Variants in UGT1A10 observed in about 807,000 individuals in gnomAD.
The protein encoded by UGT1A10 is UDP glucuronosyltransferase family 1 member A10, also known as UDP-glucuronosyltransferase 1A10.
Under a neutral mutation model 45.8 loss-of-function variants are expected in UGT1A10, and 49 were observed. That is an observed-to-expected ratio of 1.07 (90% CI 0.85 to 1.36). The LOEUF (loss-of-function observed/expected upper bound fraction) is 1.36, where lower values mean the gene tolerates loss of function less well. Ranked by LOEUF, UGT1A10 falls within the 40% of genes most tolerant of loss-of-function variation. UGT1A10 has a pLI of 0.00. For missense variants in UGT1A10, 745 were observed against 668.6 expected (o/e 1.11, Z -1.26); for synonymous variants, 284 against 249.7 (o/e 1.14, Z -1.29).
intron 1 of UGT1A10, among the ~76,000 whole-genome samples, chr2:233,739,663 T>C (rs1172475020): frequency 6.6e-6 from 1 of 152,246 alleles, no homozygotes; most frequent in Non-Finnish European, 1.5e-5. Context: ...ACCCCCATTG[T>C]GTCTTGGAAG....
chr2:233,741,876 G>A (rs1319262823), intron 1 of UGT1A10: 1 of 151,830 alleles, frequency 6.6e-6, no homozygotes, highest in African/African-American at 2.4e-5. Context: ...TTCCTCAGAG[G>A]TGACCCTAGA....
chr2:233,694,865 A>G (rs2075244245), intron 1 of UGT1A10, among the ~76,000 whole-genome samples: 1 of 152,230 alleles, frequency 6.6e-6, no homozygotes, highest in Non-Finnish European at 1.5e-5. Context: ...GACATAATAT[A>G]GTTGTACACA....
intron 1 of UGT1A10, among the ~76,000 whole-genome samples, chr2:233,652,776 G>A (rs1241807585): frequency 1.3e-5 from 2 of 152,198 alleles, no homozygotes; most frequent in Non-Finnish European, 2.9e-5. Flanking sequence ...ACATGCAAAA[G>A]AATGAAGATG....
chr2:233,745,632 G>A (rs1693165975), intron 1 of UGT1A10, among the ~76,000 whole-genome samples: 1 of 151,552 alleles, frequency 6.6e-6, no homozygotes, highest in Non-Finnish European at 1.5e-5. Flanking sequence ...GTCATAGAAA[G>A]CTGGCCGAGG....
chr2:233,724,290 G>C (rs2077209364), intron 1 of UGT1A10, among the ~76,000 whole-genome samples: 1 of 136,792 alleles, frequency 7.3e-6, no homozygotes, highest in African/African-American at 2.8e-5. Flanking sequence ...GCGGGGGGCT[G>C]ACCCCCCCAC....
intron 1 of UGT1A10, among the ~76,000 whole-genome samples, chr2:233,665,855 T>C (rs2074066728): frequency 6.6e-6 from 1 of 152,174 alleles, no homozygotes; most frequent in Admixed American, 6.6e-5. Flanking sequence ...TTTAAGAATT[T>C]GCCAGACAAT....
intron 1 of UGT1A10, among the ~76,000 whole-genome samples, chr2:233,705,689 G>C (rs551637021): frequency 6.6e-6 from 1 of 152,268 alleles, no homozygotes; most frequent in South Asian, 2.1e-4. Flanking sequence ...CACAACGACT[G>C]GTATAAAAAT....
At chr2:233,690,486 CT>C in intron 1 of UGT1A10, 1 of 1,289,570 alleles carries the variant, frequency 7.8e-7, no homozygotes, top group Non-Finnish European at 1.0e-6. Context: ...TTTGGGAAAT[CT>C]GCTCTTGCCA....
intron 1 of UGT1A10, chr2:233,740,766 G>T (rs189465133): frequency 6.6e-6 from 1 of 151,710 alleles, no homozygotes; most frequent in Admixed American, 6.5e-5. Context: ...TTATCAAACC[G>T]TTGTATAAAA....
At chr2:233,660,750 T>TC (rs912225725) in intron 1 of UGT1A10, among the ~76,000 whole-genome samples, 8 of 152,188 alleles carry the variant, frequency 5.3e-5, no homozygotes, top group Admixed American at 4.6e-4. Context: ...GCATTTTTTT[T>TC]CTCTAGAATA....
At chr2:233,729,133 A>C (rs1363274885) in intron 1 of UGT1A10, 1 of 1,613,118 alleles carries the variant, frequency 6.2e-7, no homozygotes, top group Non-Finnish European at 8.5e-7. Flanking sequence ...TGAGATGGCC[A>C]CAGGACTCCA....
chr2:233,742,167 C>G (rs1211667030), intron 1 of UGT1A10, among the ~76,000 whole-genome samples: 2 of 151,916 alleles, frequency 1.3e-5, no homozygotes, highest in Non-Finnish European at 2.9e-5. Flanking sequence ...GACACACACA[C>G]AGAAATATAG....
intron 1 of UGT1A10, among the ~76,000 whole-genome samples, chr2:233,727,176 C>G (rs2077590030): frequency 6.6e-6 from 1 of 152,122 alleles, no homozygotes; most frequent in Non-Finnish European, 1.5e-5. Context: ...TTTTCTGTCT[C>G]TGGACTTTGC....
At chr2:233,648,064 T>C (rs565849073) in intron 1 of UGT1A10, 5 of 1,567,880 alleles carry the variant, frequency 3.2e-6, no homozygotes, top group African/African-American at 1.4e-5. Context: ...AGTGAAGACT[T>C]CTTCAACCTT....
At chr2:233,686,285 A>T (rs969857355) in intron 1 of UGT1A10, among the ~76,000 whole-genome samples, 3 of 152,146 alleles carry the variant, frequency 2.0e-5, no homozygotes, top group Non-Finnish European at 1.5e-5. Context: ...ACAAGAAACT[A>T]AAACAAGAAA....
chr2:233,645,505 C>T (rs1056675558), intron 1 of UGT1A10, among the ~76,000 whole-genome samples: 2 of 152,202 alleles, frequency 1.3e-5, no homozygotes, highest in African/African-American at 4.8e-5. Flanking sequence ...AAATCAAAAG[C>T]AAGTTAGTTA....
At chr2:233,756,789 G>A (rs1696325268) in intron 1 of UGT1A10, among the ~76,000 whole-genome samples, 1 of 151,900 alleles carries the variant, frequency 6.6e-6, no homozygotes, top group Admixed American at 6.6e-5. Context: ...AAATTGTGGG[G>A]CAATACACTA....
intron 1 of UGT1A10, among the ~76,000 whole-genome samples, chr2:233,649,723 A>G (rs558934369): frequency 6.6e-6 from 1 of 152,326 alleles, no homozygotes; most frequent in Non-Finnish European, 1.5e-5. Flanking sequence ...TAACTTCTTC[A>G]AAACAACAAT....
intron 1 of UGT1A10, chr2:233,743,754 C>A (rs547258685): frequency 7.3e-7 from 1 of 1,367,378 alleles, no homozygotes; most frequent in Admixed American, 1.9e-5. Flanking sequence ...TCCGACAACA[C>A]CTCGTAGGCC....
Sources: gnomAD v4.1 joint callset for allele counts (sites outside exome capture counted in the v4.1 genomes callset) on GRCh38, gnomAD v4.1.1 for gene constraint, MANE v1.5 for transcripts, NCBI Gene and HGNC (gene_info 2026-07-23, HGNC 2026-07-21) for gene names.